The following LOC400499 variants were observed in gnomAD, a reference collection of about 807,000 sequenced individuals.
chr16:11,444,840 G>A, the LOC400499 span, among the ~76,000 whole-genome samples: 1 of 152,118 alleles, frequency 6.6e-6, no homozygotes, highest in Non-Finnish European at 1.5e-5. Context: ...TCAGCATTCT[G>A]GAGGCCAAGA....
chr16:11,502,865 C>T, the LOC400499 span, among the ~76,000 whole-genome samples: 8 of 148,434 alleles, frequency 5.4e-5, no homozygotes, highest in African/African-American at 1.5e-4. Flanking sequence ...CTGCCCGCCT[C>T]GGCCTTCCAA....
At chr16:11,429,393 G>T in the LOC400499 span, among the ~76,000 whole-genome samples, 1 of 152,194 alleles carries the variant, frequency 6.6e-6, no homozygotes, top group South Asian at 2.1e-4. Flanking sequence ...GTCTCCGGAT[G>T]TGAAAGCATT....
chr16:11,417,349 C>T, the LOC400499 span, among the ~76,000 whole-genome samples: 36 of 152,254 alleles, frequency 2.4e-4, no homozygotes, highest in African/African-American at 5.8e-4. Context: ...CTCAGCCTCC[C>T]GAGTAGCTGC....
chr16:11,489,477 T>A, the LOC400499 span, among the ~76,000 whole-genome samples: 24 of 145,622 alleles, frequency 1.6e-4, no homozygotes, highest in Admixed American at 1.5e-3. Context: ...AAAGATCAAA[T>A]AAGAGCCTCA....
the LOC400499 span, among the ~76,000 whole-genome samples, chr16:11,498,205 G>A: frequency 1.3e-5 from 2 of 152,220 alleles, 1 homozygote; most frequent in South Asian, 4.1e-4. Context: ...AGAAGGCCGG[G>A]CGCAGTGACT....
chr16:11,506,484 G>A, the LOC400499 span, among the ~76,000 whole-genome samples: 2 of 152,094 alleles, frequency 1.3e-5, no homozygotes, highest in South Asian at 2.1e-4. Context: ...CCTGTAACTC[G>A]AGCTCCTTGT....
the LOC400499 span, among the ~76,000 whole-genome samples, chr16:11,464,828 A>C: frequency 6.6e-6 from 1 of 152,164 alleles, no homozygotes; most frequent in South Asian, 2.1e-4. Context: ...ATCCACGGGG[A>C]GGTAGAGGCA....
the LOC400499 span, among the ~76,000 whole-genome samples, chr16:11,413,331 G>A: frequency 6.6e-6 from 1 of 152,158 alleles, no homozygotes; most frequent in Non-Finnish European, 1.5e-5. Context: ...TTGCAGGAGG[G>A]GTGACATCCT....
At chr16:11,471,928 T>G in the LOC400499 span, 1 of 397,798 alleles carries the variant, frequency 2.5e-6, no homozygotes, top group African/African-American at 2.1e-5. Flanking sequence ...TAATTTCTTC[T>G]GAGGAAAGGC....
chr16:11,458,252 A>G, the LOC400499 span, among the ~76,000 whole-genome samples: 1 of 152,140 alleles, frequency 6.6e-6, no homozygotes, highest in African/African-American at 2.4e-5. Flanking sequence ...AGGCTGAGGC[A>G]GGGAGAATTG....
chr16:11,471,010 G>A, the LOC400499 span, among the ~76,000 whole-genome samples: 2 of 152,238 alleles, frequency 1.3e-5, no homozygotes, highest in African/African-American at 4.8e-5. Context: ...CAGGGAAGGA[G>A]GCCAGCAGGG....
the LOC400499 span, among the ~76,000 whole-genome samples, chr16:11,484,576 G>C: frequency 6.6e-6 from 1 of 152,198 alleles, no homozygotes; most frequent in Non-Finnish European, 1.5e-5. Context: ...GAGTACAAAG[G>C]GGAGGGTGGG....
chr16:11,421,234 C>G, the LOC400499 span, among the ~76,000 whole-genome samples: 1 of 152,134 alleles, frequency 6.6e-6, no homozygotes, highest in South Asian at 2.1e-4. Flanking sequence ...CCCCAGTGGG[C>G]AGAGCTGGGA....
the LOC400499 span, among the ~76,000 whole-genome samples, chr16:11,470,953 G>C: frequency 1.3e-5 from 2 of 152,218 alleles, no homozygotes; most frequent in African/African-American, 4.8e-5. Flanking sequence ...GTGTGGCCTT[G>C]AAAAAGGGGC....
chr16:11,373,044 G>A, the LOC400499 span, among the ~76,000 whole-genome samples: 4 of 152,096 alleles, frequency 2.6e-5, no homozygotes, highest in East Asian at 3.9e-4. Flanking sequence ...CAGCACCCTC[G>A]ACACAGAGAA....
the LOC400499 span, among the ~76,000 whole-genome samples, chr16:11,375,206 T>C: frequency 1.4e-5 from 2 of 142,574 alleles, no homozygotes. Context: ...CATTTTATAC[T>C]CCCCGTAAGA....
At chr16:11,456,964 C>T in the LOC400499 span, 6 of 1,536,232 alleles carry the variant, frequency 3.9e-6, no homozygotes, top group African/African-American at 1.4e-5. Flanking sequence ...CTGCTCTCCA[C>T]ATAGGGCAGG....
chr16:11,422,231 T>A, the LOC400499 span, among the ~76,000 whole-genome samples: 24,414 of 152,154 alleles, frequency 0.16, 2,405 homozygotes, highest in South Asian at 0.24. Flanking sequence ...TGAAACCCTG[T>A]CTATACTAAA....
At chr16:11,388,661 G>C in the LOC400499 span, among the ~76,000 whole-genome samples, 1 of 152,172 alleles carries the variant, frequency 6.6e-6, no homozygotes, top group Non-Finnish European at 1.5e-5. Context: ...TAAAGTGAAA[G>C]GGCGATCACA....
Sources: allele counts gnomAD v4.1 joint callset (sites outside exome capture counted in the v4.1 genomes callset), GRCh38; gene constraint gnomAD v4.1.1; transcripts MANE v1.5.